MYO1B: variants seen among roughly 807,000 people sequenced by gnomAD.
MYO1B encodes unconventional myosin-Ib.
MYO1B carries 72 observed loss-of-function variants against 159.7 expected under a neutral mutation model. The ratio of observed to expected loss-of-function variants is 0.45; its 90% CI spans 0.37 to 0.55. MYO1B has a LOEUF of 0.55. Ranked by LOEUF, MYO1B falls within the 20% of genes least tolerant of loss-of-function variation. The probability of loss-of-function intolerance (pLI) is 0.00; values close to 1 mark genes in which losing one functional copy is unlikely to be tolerated. For synonymous variants in MYO1B, 468 were observed against 473.8 expected, an observed-to-expected ratio of 0.99 and a Z score of 0.16; for missense variants, 1,062 against 1,364.8, an observed-to-expected ratio of 0.78 and a Z score of 3.50.
intron 5 of MYO1B, among the ~76,000 whole-genome samples, chr2:191,345,698 C>T (rs1209229734): frequency 1.3e-5 from 2 of 152,166 alleles, no homozygotes; most frequent in Non-Finnish European, 2.9e-5. Context: ...TTGGAAATGA[C>T]TGTTGTTTCC....
intron 7 of MYO1B, among the ~76,000 whole-genome samples, chr2:191,355,693 C>T (rs762463778): frequency 4.6e-5 from 7 of 152,194 alleles, no homozygotes; most frequent in Non-Finnish European, 8.8e-5. Flanking sequence ...GAGAGCTGAG[C>T]CCTCTGTGCA....
chr2:191,413,130 C>T (rs1194581001), intron 27 of MYO1B, among the ~76,000 whole-genome samples: 1 of 152,130 alleles, frequency 6.6e-6, no homozygotes, highest in African/African-American at 2.4e-5. Flanking sequence ...ATATTTAGGA[C>T]AGATGCAAGC....
intron 13 of MYO1B, among the ~76,000 whole-genome samples, chr2:191,375,908 G>A (rs931098493): frequency 3.3e-5 from 5 of 150,496 alleles, no homozygotes; most frequent in Non-Finnish European, 5.9e-5. Context: ...GCAGTGAGCC[G>A]AGATTACACC....
At chr2:191,291,213 C>T (rs1688668158) in intron 2 of MYO1B, among the ~76,000 whole-genome samples, 1 of 152,102 alleles carries the variant, frequency 6.6e-6, no homozygotes, top group Non-Finnish European at 1.5e-5. Flanking sequence ...CAGAAAAGAC[C>T]TCTGTTTTCA....
intron 7 of MYO1B, among the ~76,000 whole-genome samples, chr2:191,359,713 A>G (rs1693541407): frequency 6.6e-6 from 1 of 152,204 alleles, no homozygotes; most frequent in Non-Finnish European, 1.5e-5. Context: ...GATGTTTTAG[A>G]TTGCAGCCTG....
At chr2:191,281,437 A>G (rs1381588989) in intron 2 of MYO1B, among the ~76,000 whole-genome samples, 1 of 152,148 alleles carries the variant, frequency 6.6e-6, no homozygotes. Context: ...GCTGCAGGAC[A>G]TGCTGTTTGG....
intron 20 of MYO1B, among the ~76,000 whole-genome samples, chr2:191,395,123 A>C (rs1007742584): frequency 2.6e-5 from 4 of 152,224 alleles, no homozygotes; most frequent in African/African-American, 7.2e-5. Flanking sequence ...AGTGAGATAT[A>C]CTTATTTTCA....
At chr2:191,304,081 T>C (rs1689495380) in intron 3 of MYO1B, among the ~76,000 whole-genome samples, 1 of 152,210 alleles carries the variant, frequency 6.6e-6, no homozygotes, top group African/African-American at 2.4e-5. Context: ...GCGAGTTTCA[T>C]ATCAGCAGTG....
At chr2:191,386,521 CTT>C (rs1181678512) in intron 16 of MYO1B, among the ~76,000 whole-genome samples, 2 of 133,510 alleles carry the variant, frequency 1.5e-5, no homozygotes, top group Non-Finnish European at 3.4e-5. Context: ...TTTTAAAACA[CTT>C]ATTTATTTGG....
At chr2:191,370,776 T>A (rs1403700563) in intron 13 of MYO1B, among the ~76,000 whole-genome samples, 1 of 152,240 alleles carries the variant, frequency 6.6e-6, no homozygotes, top group Non-Finnish European at 1.5e-5. Flanking sequence ...TCTGTGAGAC[T>A]CAGAGAAAGA....
In MYO1B at chr2:191,364,171, T is replaced by C. The variant is rs1259793895; in HGVS notation, c.927T>C (p.Ile309=). Residue 309 remains isoleucine (I), a synonymous_variant, in exon 11 of 31, where the codon ATT becomes ATC. Transcript: ENST00000392318. ...KIKDKNELKE[I]CELTGIDQSV... Reference sequence around the variant, plus strand: ...GCCTTCCCACAGAGTTAAAAGAAATTTGTGAATTGACCGGCATTGATCAAT... The same window carrying C: ...GCCTTCCCACAGAGTTAAAAGAAATCTGTGAATTGACCGGCATTGATCAAT... 1.2e-6 allele frequency: 2 copies of C among 1,613,674 alleles called. No homozygotes were observed. Among genetic ancestry groups the C allele is most frequent in the East Asian group, 2.2e-5 (1 of 44,886 alleles).
intron 24 of MYO1B, chr2:191,407,682 G>C (rs1216568212): frequency 6.6e-6 from 1 of 152,300 alleles, no homozygotes; most frequent in Admixed American, 6.5e-5. Context: ...TCAGTTCTCA[G>C]TGTGTAGGCC....
At chr2:191,333,687 ATC>A (rs1038983298) in intron 4 of MYO1B, among the ~76,000 whole-genome samples, 6 of 150,670 alleles carry the variant, frequency 4.0e-5, no homozygotes, top group African/African-American at 1.5e-4. Context: ...GCTTGTTCAA[ATC>A]TCTCTCTCTC....
chr2:191,409,110 C>T lies in MYO1B; in HGVS notation c.2698C>T (p.Pro900Ser), dbSNP rs754973830. Residue 900 changes from proline to serine, a missense_variant, in exon 26 of 31, where the codon CCC (proline) becomes TCC (serine). By Grantham distance (74) the Pro-to-Ser change is moderately conservative. Coordinates refer to ENST00000392318, the MANE Select transcript of MYO1B (RefSeq NM_001130158.3). ...PSLSPIDKNW[P>S]SRPYLFLDST... ...CTTATCTCCAATAGACAAGAATTGG[C>T]CCTCAAGACCTTACTTATTCTTGGA... 9 of 1,612,790 alleles carry T rather than the reference C, an allele frequency of 5.6e-6. No homozygotes were observed. In the South Asian group the frequency reaches 9.9e-5, roughly 18 times the overall value.
At position 191,334,152 on chromosome 2, in the gene MYO1B, T is replaced by C. The variant is rs112288213; in HGVS notation, c.346+4123T>C. On this transcript the variant is annotated intron_variant, in intron 4 of 30. Transcript: ENST00000392318. ...TTTTAGGATATTCTAATTGTATCAA[T>C]TCGTTCCTAAATGAGTCATCAGAAG... Among the ~76,000 whole-genome samples the C allele has an allele frequency of 3.7e-3, 565 of 152,256 alleles. 1 individual carries two copies. Among genetic ancestry groups the C allele is most frequent in the Admixed American group, 6.8e-3 (104 of 15,292 alleles).
chr2:191,424,077 G>A lies in MYO1B; in HGVS notation c.*117G>A. On this transcript the variant is annotated 3_prime_UTR_variant, in exon 31 of 31. Transcript: ENST00000392318. ...TCACCAAAGGCTTTTAGAGTTCTTTGGCAAAATAAAAATATTTGACTAATC... is the reference window on the plus strand; with the variant it reads ...TCACCAAAGGCTTTTAGAGTTCTTTAGCAAAATAAAAATATTTGACTAATC... 1 of 1,219,120 alleles carries A rather than the reference G, an allele frequency of 8.2e-7. No individual in the cohort carries two copies. Among genetic ancestry groups the A allele is most frequent in the Non-Finnish European group, 1.1e-6 (1 of 880,074 alleles). 75.5% of individuals were successfully genotyped at this position (1,219,120 alleles called of 1,614,324 possible).
intron 3 of MYO1B, among the ~76,000 whole-genome samples, chr2:191,305,480 A>G (rs1574387005): frequency 6.6e-6 from 1 of 152,266 alleles, no homozygotes; most frequent in South Asian, 2.1e-4. Context: ...CCCAGGTTCC[A>G]GTTCCAGCCT....
chr2:191,382,516 C>T (rs2126074472), intron 14 of MYO1B, among the ~76,000 whole-genome samples: 1 of 152,274 alleles, frequency 6.6e-6, no homozygotes, highest in East Asian at 1.9e-4. Flanking sequence ...CCTGTCTTCT[C>T]ATCATGAAGA....
chr2:191,278,962 G>T (rs1214507665), intron 2 of MYO1B, among the ~76,000 whole-genome samples: 1 of 152,220 alleles, frequency 6.6e-6, no homozygotes, highest in East Asian at 1.9e-4. Context: ...ATAAGATGGA[G>T]AGTAGAACAT....
Sources: allele counts gnomAD v4.1 joint callset (sites outside exome capture counted in the v4.1 genomes callset), GRCh38; gene constraint gnomAD v4.1.1; transcripts MANE v1.5; gene names NCBI Gene and HGNC (gene_info 2026-07-23, HGNC 2026-07-21).